KLHL3: variants seen among roughly 807,000 people sequenced by gnomAD.
KLHL3 encodes the protein kelch-like protein 3.
Under a neutral mutation model 70.5 loss-of-function variants are expected in KLHL3, and 19 were observed. The ratio of observed to expected loss-of-function variants is 0.27; its 90% CI spans 0.19 to 0.40. KLHL3 has a LOEUF of 0.40. Ranked by LOEUF, KLHL3 falls within the 10% of genes least tolerant of loss-of-function variation. KLHL3 has a pLI of 1.00. For synonymous variants in KLHL3, 258 were observed against 290.3 expected (o/e 0.89, Z 1.13); for missense variants, 512 against 771.1 (o/e 0.66, Z 3.98).
chr5:137,627,705 T>A (rs1334760532), intron 13 of KLHL3, among the ~76,000 whole-genome samples: 2 of 152,112 alleles, frequency 1.3e-5, no homozygotes, highest in Non-Finnish European at 2.9e-5. Flanking sequence ...AAAAGGGGCC[T>A]CATGCTCCAA....
At chr5:137,717,459 G>C (rs1269818269) in intron 2 of KLHL3, among the ~76,000 whole-genome samples, 2 of 151,782 alleles carry the variant, frequency 1.3e-5, no homozygotes, top group Non-Finnish European at 2.9e-5. Context: ...GAACCCGGGA[G>C]GTGGAGGTTG....
chr5:137,719,519 C>A (rs906409138), intron 2 of KLHL3, among the ~76,000 whole-genome samples: 3 of 152,250 alleles, frequency 2.0e-5, no homozygotes, highest in African/African-American at 7.2e-5. Flanking sequence ...AAGAAGAGAT[C>A]GTGTCCACAG....
chr5:137,724,912 A>G (rs1753063223), intron 1 of KLHL3: 3 of 276,922 alleles, frequency 1.1e-5, no homozygotes, highest in Non-Finnish European at 1.6e-5. Flanking sequence ...CTGTACTTGA[A>G]GCTCACAACC....
chr5:137,640,735 C>CG (rs1554090796), intron 8 of KLHL3, among the ~76,000 whole-genome samples: 115 of 151,798 alleles, frequency 7.6e-4, no homozygotes, highest in Non-Finnish European at 1.3e-3. Flanking sequence ...GGCCAGCCAC[C>CG]CCCCCCAACT....
intron 1 of KLHL3, among the ~76,000 whole-genome samples, chr5:137,728,362 G>A (rs1580790414): frequency 6.6e-6 from 1 of 152,246 alleles, no homozygotes; most frequent in South Asian, 2.1e-4. Flanking sequence ...AAATTAATAG[G>A]TAGATAAGTA....
chr5:137,682,423 G>GAGAGAGAGAGAGAGAGAC, intron 5 of KLHL3, among the ~76,000 whole-genome samples: 1 of 151,724 alleles, frequency 6.6e-6, no homozygotes, highest in Non-Finnish European at 1.5e-5. Context: ...GAGAGAGAGA[G>GAGAGAGAGAGAGAGAGAC]AGAGAGAGAG....
chr5:137,724,567 G>C (rs1415222288), intron 1 of KLHL3, among the ~76,000 whole-genome samples: 2 of 152,210 alleles, frequency 1.3e-5, no homozygotes, highest in Admixed American at 6.5e-5. Flanking sequence ...AAAAGAGCAA[G>C]TGACTTGCTG....
In KLHL3 at chr5:137,620,057, A is replaced by G. The variant is rs1442408451; in HGVS notation, c.*2041T>C. 6.6e-6 allele frequency: 1 copy of G among 152,284 alleles called. No homozygotes were observed. The highest frequency in any genetic ancestry group is 1.5e-5 in the Non-Finnish European group (1 of 68,070). 9.4% of individuals were successfully genotyped at this position (152,284 alleles called of 1,614,324 possible). A position where few individuals can be genotyped will look rare whatever the true frequency, so the allele number is the denominator to read the frequency against. On this transcript the variant is annotated 3_prime_UTR_variant, in exon 15 of 15. Coordinates refer to ENST00000309755, the MANE Select transcript of KLHL3 (RefSeq NM_017415.3). ...CAGAGAAGGAGAAAGGACATTTCTC[A>G]TTCCATCAGCTTCCAACCCACAGCC... is the stretch of plus-strand genomic sequence containing the variant.
At chr5:137,726,869 G>T (rs935705915) in intron 1 of KLHL3, among the ~76,000 whole-genome samples, 4 of 152,104 alleles carry the variant, frequency 2.6e-5, no homozygotes, top group African/African-American at 9.7e-5. Context: ...TTTAATGAAA[G>T]CAGAGTTGGC....
Position 137,735,928 on chromosome 5 carries a change from G to T in KLHL3, c.-282C>A. 2.0e-6 allele frequency: 1 copy of T among 507,626 alleles called. No homozygotes were observed. Among genetic ancestry groups the T allele is most frequent in the Non-Finnish European group, 3.6e-6 (1 of 276,974 alleles). The allele number at this position is 507,626 out of a possible 1,614,324, so 31.4% of individuals were successfully genotyped here. ...GCAACCCACTTGCTCCCCCTCCCCC[G>T]CAGGCTTGCTGCTCCTTGGTCTCCT... On this transcript the variant is annotated 5_prime_UTR_variant, in exon 1 of 15. Transcript: ENST00000309755.
chr5:137,646,247 A>T, intron 8 of KLHL3, among the ~76,000 whole-genome samples: 1 of 152,194 alleles, frequency 6.6e-6, no homozygotes, highest in East Asian at 1.9e-4. Flanking sequence ...ATATCACCTC[A>T]CCCCAATTAG....
intron 8 of KLHL3, chr5:137,647,436 T>G: frequency 1.4e-5 from 6 of 439,452 alleles, no homozygotes; most frequent in African/African-American, 4.0e-5. Context: ...AGCCCTGGCC[T>G]CAGGACTACA....
At chr5:137,720,610 G>A in intron 1 of KLHL3, 26 bp from the exon 2 acceptor site, 1 of 1,612,836 alleles carries the variant, frequency 6.2e-7, no homozygotes. Flanking sequence ...AAGAGGGAGG[G>A]AAAGAGAATC....
intron 8 of KLHL3, among the ~76,000 whole-genome samples, chr5:137,645,534 A>G (rs1751021306): frequency 6.6e-6 from 1 of 152,112 alleles, no homozygotes; most frequent in Non-Finnish European, 1.5e-5. Flanking sequence ...AAAAAGAAAT[A>G]AAGAAAAAAA....
intron 8 of KLHL3, among the ~76,000 whole-genome samples, chr5:137,656,411 G>C (rs1751347100): frequency 6.6e-6 from 1 of 152,152 alleles, no homozygotes; most frequent in Non-Finnish European, 1.5e-5. Context: ...GCAATACACT[G>C]TACATTTGTA....
chr5:137,631,843 A>G (rs1750644219), intron 12 of KLHL3, among the ~76,000 whole-genome samples: 1 of 152,206 alleles, frequency 6.6e-6, no homozygotes, highest in Non-Finnish European at 1.5e-5. Flanking sequence ...TATCTCATCC[A>G]TTCTCTAGTG....
chr5:137,700,616 T>C (rs192624068), intron 3 of KLHL3, among the ~76,000 whole-genome samples: 9 of 152,342 alleles, frequency 5.9e-5, no homozygotes, highest in African/African-American at 2.2e-4. Flanking sequence ...GCGTCTATGA[T>C]TCAGAAAAGG....
In KLHL3 at chr5:137,621,515, A is replaced by G. The variant is rs1750295513; in HGVS notation, c.*583T>C. On this transcript the variant is annotated 3_prime_UTR_variant, in exon 15 of 15. Transcript: ENST00000309755. ...TTCCAGCTCTTCTGCAGACAAAGTC[A>G]CAGTAGTTAAAGTACATAAGTGGGT... The G allele has an allele frequency of 6.5e-6, 1 of 152,684 alleles. No homozygotes were observed. The highest frequency in any genetic ancestry group is 2.4e-5 in the African/African-American group (1 of 41,452). 9.5% of individuals were successfully genotyped at this position (152,684 alleles called of 1,614,324 possible). A position where few individuals can be genotyped will look rare whatever the true frequency, so the allele number is the denominator to read the frequency against.
chr5:137,704,881 T>C (rs1386056866), intron 3 of KLHL3, among the ~76,000 whole-genome samples: 2 of 152,208 alleles, frequency 1.3e-5, no homozygotes, highest in South Asian at 4.1e-4. Context: ...TGTGGTATGA[T>C]AGGGACAGGA....
Sources: gnomAD v4.1 joint callset for allele counts (sites outside exome capture counted in the v4.1 genomes callset) on GRCh38, gnomAD v4.1.1 for gene constraint, MANE v1.5 for transcripts, NCBI Gene and HGNC (gene_info 2026-07-23, HGNC 2026-07-21) for gene names.